The following LATS1 variants were observed in gnomAD, a reference collection of about 807,000 sequenced individuals.
LATS1 encodes serine/threonine-protein kinase LATS1.
Under a neutral mutation model 106.6 loss-of-function variants are expected in LATS1, and 25 were observed. The ratio of observed to expected loss-of-function variants is 0.23; its 90% CI spans 0.17 to 0.33. LATS1 has a LOEUF of 0.33. Among genes scored for constraint, LATS1 ranks in the 10% least tolerant of loss-of-function variants. The pLI is 1.00. For missense variants in LATS1, 1,040 were observed against 1,382.6 expected (o/e 0.75, Z 3.93); for synonymous variants, 465 against 455.6 (o/e 1.02, Z -0.26).
chr6:149,714,524 AAGAC>A (rs953464888), intron 1 of LATS1, among the ~76,000 whole-genome samples: 20 of 152,362 alleles, frequency 1.3e-4, no homozygotes, highest in African/African-American at 4.6e-4. Context: ...TTTCAAAGGT[AAGAC>A]AGACTCAAAA....
At position 149,712,221 on chromosome 6, in the gene LATS1, T is replaced by C. The variant is rs150749444; in HGVS notation, c.-141+5628A>G. 1.6e-3 allele frequency among the ~76,000 whole-genome samples: 246 copies of C among 152,224 alleles called. 1 individual carries two copies. The highest frequency in any genetic ancestry group is 5.6e-3 in the African/African-American group (232 of 41,556). ...ATTTATTTATTTATTTATTTATAGA[T>C]GGAGTTTCGCTCGTTGCCCAGGCTG... On this transcript the variant is annotated intron_variant, in intron 1 of 7. Coordinates refer to ENST00000543571, the MANE Select transcript of LATS1 (RefSeq NM_004690.4).
intron 2 of LATS1, among the ~76,000 whole-genome samples, chr6:149,695,679 A>G (rs1365290441): frequency 6.7e-6 from 1 of 149,832 alleles, no homozygotes; most frequent in African/African-American, 2.4e-5. Context: ...TGTCTTGGAA[A>G]AAAAAAAAAA....
Position 149,695,140 on chromosome 6 carries a change from G to C in LATS1, c.430C>G (p.Gln144Glu), listed in dbSNP as rs938092373. ...GCCATCTGCTCTCGTCGAGGATCTT[G>C]GTAACTCATTTTACTAATGAATTCA... ...AIEFISKMSY[Q>E]DPRREQMAAA... The change falls in exon 3 of 8, where the codon CAA (glutamine) becomes GAA (glutamate). Residue 144 changes from glutamine (Q) to glutamate (E), a missense_variant. By Grantham distance (29) the Gln-to-Glu change is conservative. Around this residue, in one of 7 missense-constraint regions of LATS1, gnomAD observed 624 missense variants for 714.8 expected, o/e 0.87. Coordinates refer to ENST00000543571, the MANE Select transcript of LATS1 (RefSeq NM_004690.4). 3 of 1,613,042 alleles carry C rather than the reference G, an allele frequency of 1.9e-6. No individual in the cohort carries two copies. The highest frequency in any genetic ancestry group is 1.7e-6 in the Non-Finnish European group (2 of 1,179,414).
chr6:149,702,735 G>A (rs192972469), intron 1 of LATS1, among the ~76,000 whole-genome samples: 46 of 152,074 alleles, frequency 3.0e-4, no homozygotes, highest in African/African-American at 9.2e-4. Flanking sequence ...GCAGTGGTGC[G>A]ATCTTGCCTC....
At chr6:149,666,547 G>A (rs1464465978) in intron 7 of LATS1, among the ~76,000 whole-genome samples, 1 of 152,066 alleles carries the variant, frequency 6.6e-6, no homozygotes, top group Non-Finnish European at 1.5e-5. Flanking sequence ...GAACCCGGGA[G>A]GCGGTGGCGG....
intron 7 of LATS1, among the ~76,000 whole-genome samples, chr6:149,674,780 T>A: frequency 6.6e-6 from 1 of 150,622 alleles, no homozygotes; most frequent in Admixed American, 6.6e-5. Flanking sequence ...CAAAAAAAAA[T>A]GCACCTGCGG....
chr6:149,661,916 T>C lies in LATS1; in HGVS notation c.3206A>G (p.Lys1069Arg), dbSNP rs770546162. The C allele has an allele frequency of 1.2e-6, 2 of 1,613,976 alleles. No individual in the cohort carries two copies. The highest frequency in any genetic ancestry group is 1.7e-6 in the Non-Finnish European group (2 of 1,179,926). The stretch of plus-strand genomic sequence containing the variant: ...TTCATAGAATGCATGTTCAGGATGC[T>C]TTCCATTTTTATACCATCCATTGAG... ...DTLNGWYKNG[K>R]HPEHAFYEFT... Residue 1069 changes from lysine (K) to arginine (R), a missense_variant, in exon 8 of 8, where the codon AAG (lysine) becomes AGG (arginine). Lys to Arg is a conservative substitution (Grantham distance 26, BLOSUM62 2). Transcript: ENST00000543571.
intron 7 of LATS1, among the ~76,000 whole-genome samples, chr6:149,673,985 C>T (rs1781575403): frequency 6.7e-6 from 1 of 149,542 alleles, no homozygotes; most frequent in Non-Finnish European, 1.5e-5. Context: ...AATGTAAAAC[C>T]ATTTCTATAT....
At chr6:149,689,105 T>G (rs1187301284) in intron 3 of LATS1, among the ~76,000 whole-genome samples, 1 of 151,582 alleles carries the variant, frequency 6.6e-6, no homozygotes, top group Non-Finnish European at 1.5e-5. Context: ...GGGGCGGAGG[T>G]TGCAGTGAGC....
intron 1 of LATS1, among the ~76,000 whole-genome samples, chr6:149,716,645 G>T (rs528797168): frequency 5.8e-4 from 88 of 152,306 alleles, no homozygotes; most frequent in African/African-American, 1.9e-3. Flanking sequence ...AAATGTAGTA[G>T]AAGTATTTTT....
chr6:149,676,327 A>G lies in LATS1; in HGVS notation c.2816T>C (p.Ile939Thr). Residue 939 changes from isoleucine (I) to threonine (T), a missense_variant, in exon 7 of 8, where the codon ATT (isoleucine) becomes ACT (threonine). Physicochemically the swap from Ile to Thr is moderately conservative, Grantham distance 89. Coordinates refer to ENST00000543571, the MANE Select transcript of LATS1 (RefSeq NM_004690.4). ...TTGTCCCACCAACATTTCAAAAAGA[A>G]TAACACCAACACTCCACCAATCACA... ...QLCDWWSVGV[I>T]LFEMLVGQPP... is the part of the protein sequence containing the mutation. The G allele has an allele frequency of 1.2e-6, 2 of 1,613,712 alleles. No homozygotes were observed. The highest frequency in any genetic ancestry group is 1.1e-5 in the South Asian group (1 of 91,080).
Position 149,678,362 on chromosome 6 carries a change from A to AAACG in LATS1, c.2593+1512_2593+1513insCGTT, listed in dbSNP as rs1332870190. On this transcript the variant is annotated intron_variant, in intron 5 of 7. Transcript: ENST00000543571. ...CCGTCTCAAAAACAAACAAACAAAC[A>AAACG]AACAAAAAACAACAAAAAGATTTCT... 3.3e-5 allele frequency among the ~76,000 whole-genome samples: 5 copies of AAACG among 151,928 alleles called. No homozygotes were observed. In the East Asian group the frequency reaches 9.7e-4, roughly 29 times the overall value.
rs553817152 is a variant in LATS1 at position 149,682,419 on chromosome 6, T to C, written c.2010+660A>G. On this transcript the variant is annotated intron_variant, in intron 4 of 7. Transcript: ENST00000543571. ...AGACCCACGTATTTCTTTTTTCTTT[T>C]TTTTTTTTTTTTGAGACGGAGTCTC... is the stretch of plus-strand genomic sequence containing the variant. 2.7e-4 allele frequency among the ~76,000 whole-genome samples: 40 copies of C among 150,448 alleles called. 1 individual carries two copies. In the East Asian group the frequency reaches 7.0e-3, roughly 26 times the overall value.
chr6:149,704,170 A>G (rs1223982778), intron 1 of LATS1, among the ~76,000 whole-genome samples: 1 of 151,942 alleles, frequency 6.6e-6, no homozygotes, highest in Non-Finnish European at 1.5e-5. Context: ...TGCCCAGCTA[A>G]TTTTGTATTT....
At chr6:149,713,187 AG>A (rs1784201821) in intron 1 of LATS1, among the ~76,000 whole-genome samples, 1 of 152,182 alleles carries the variant, frequency 6.6e-6, no homozygotes, top group Non-Finnish European at 1.5e-5. Flanking sequence ...AAATAAATCA[AG>A]GTCCAATCTC....
intron 4 of LATS1, among the ~76,000 whole-genome samples, chr6:149,682,286 T>G (rs1048646931): frequency 6.6e-5 from 10 of 152,138 alleles, no homozygotes; most frequent in African/African-American, 2.4e-4. Context: ...AAGGGAGATA[T>G]AACTGAAGGA....
Position 149,661,832 on chromosome 6 carries a change from A to G in LATS1, c.3290T>C (p.Ile1097Thr), listed in dbSNP as rs1780899123. ...NGYPYNYPKP[I>T]EYEYINSQGS... ...TTGTGAATTAATGTATTCATATTCA[A>G]TAGGCTTCGGATAATTATATGGGTA... Residue 1097 changes from isoleucine (I) to threonine (T), a missense_variant, in exon 8 of 8, where the codon ATT (isoleucine) becomes ACT (threonine). Physicochemically the swap from Ile to Thr is moderately conservative, Grantham distance 89 (BLOSUM62 -1). Transcript: ENST00000543571. 1 of 1,613,892 alleles carries G rather than the reference A, an allele frequency of 6.2e-7. No individual in the cohort carries two copies.
intron 7 of LATS1, among the ~76,000 whole-genome samples, chr6:149,673,398 C>G (rs1213779154): frequency 6.6e-6 from 1 of 151,626 alleles, no homozygotes; most frequent in Non-Finnish European, 1.5e-5. Context: ...CGCGCCCAGC[C>G]CTTTTATTTC....
At chr6:149,676,812 A>G in intron 5 of LATS1, 75 bp from the exon 6 acceptor site, 7 of 1,358,782 alleles carry the variant, frequency 5.2e-6, no homozygotes, top group South Asian at 1.3e-5. Flanking sequence ...ATCTTCTGAC[A>G]TCGTGGTTTA....
Sources: gnomAD v4.1 joint callset for allele counts (sites outside exome capture counted in the v4.1 genomes callset) on GRCh38, gnomAD v4.1.1 for gene constraint, gnomAD v4.1.1 regional missense constraint, MANE v1.5 for transcripts, NCBI Gene and HGNC (gene_info 2026-07-23, HGNC 2026-07-21) for gene names.